DCAF5: variants seen among roughly 807,000 people sequenced by gnomAD.
DCAF5 encodes the protein DDB1- and CUL4-associated factor 5.
Under a neutral mutation model 80.7 loss-of-function variants are expected in DCAF5, and 9 were observed. The observed-to-expected ratio is 0.11, with a 90% CI of 0.07 to 0.19. DCAF5 has a LOEUF of 0.19. DCAF5 is among the 10% of genes least tolerant of loss of function. DCAF5 has a pLI of 1.00. For missense variants in DCAF5, 842 were observed against 1,205.7 expected (o/e 0.70, Z 4.47); for synonymous variants, 433 against 461.9 (o/e 0.94, Z 0.80).
chr14:69,138,348 C>T (rs1217217232), intron 1 of DCAF5, among the ~76,000 whole-genome samples: 2 of 152,124 alleles, frequency 1.3e-5, no homozygotes, highest in South Asian at 2.1e-4. Flanking sequence ...TTCCAAAGTA[C>T]GGAAGTATAG....
intron 7 of DCAF5, among the ~76,000 whole-genome samples, chr14:69,065,237 C>T (rs765848092): frequency 6.6e-6 from 1 of 151,732 alleles, no homozygotes; most frequent in East Asian, 1.9e-4. Flanking sequence ...GCTGGGATTA[C>T]AGGCATCCAC....
At chr14:69,151,058 G>A (rs952621017) in intron 1 of DCAF5, among the ~76,000 whole-genome samples, 4 of 152,118 alleles carry the variant, frequency 2.6e-5, no homozygotes, top group African/African-American at 9.7e-5. Context: ...GTAATACATC[G>A]GGAGTTTTAT....
intron 5 of DCAF5, among the ~76,000 whole-genome samples, chr14:69,109,221 G>A (rs1447521800): frequency 6.6e-6 from 1 of 151,764 alleles, no homozygotes; most frequent in Non-Finnish European, 1.5e-5. Flanking sequence ...GCGGGCGCCT[G>A]TAGTCCCAAC....
chr14:69,105,886 T>C lies in DCAF5; in HGVS notation c.665+10480A>G, dbSNP rs371455777. Among the ~76,000 whole-genome samples, 9 of 125,360 alleles carry C rather than the reference T, an allele frequency of 7.2e-5. No homozygotes were observed. The South Asian group carries it at 2.5e-3, about 35-fold the overall frequency. The allele number at this position is 125,360 out of a possible 152,430, so 82.2% of individuals were successfully genotyped here. On this transcript the variant is annotated intron_variant, in intron 5 of 8. Transcript: ENST00000341516. The stretch of plus-strand genomic sequence containing the variant: ...AGCCTATCATTCACCTTTGTAATGG[T>C]ATGAGCCAATTTTCCCTAATAAACT...
At chr14:69,127,715 G>A (rs2040919799) in intron 1 of DCAF5, among the ~76,000 whole-genome samples, 1 of 152,180 alleles carries the variant, frequency 6.6e-6, no homozygotes, top group Non-Finnish European at 1.5e-5. Flanking sequence ...GGAAGATGTT[G>A]ACAATGAAGG....
At chr14:69,064,634 T>C (rs2038361266) in intron 7 of DCAF5, among the ~76,000 whole-genome samples, 1 of 152,220 alleles carries the variant, frequency 6.6e-6, no homozygotes, top group Admixed American at 6.5e-5. Context: ...AGGCAGTTAT[T>C]AGATAGGTGG....
intron 1 of DCAF5, among the ~76,000 whole-genome samples, chr14:69,151,347 T>C (rs2041697121): frequency 6.6e-6 from 1 of 152,164 alleles, no homozygotes; most frequent in African/African-American, 2.4e-5. Flanking sequence ...TTCTCTTTGC[T>C]ACCCCCAAAT....
At chr14:69,092,617 C>CA (rs1433699390) in intron 5 of DCAF5, among the ~76,000 whole-genome samples, 1 of 152,022 alleles carries the variant, frequency 6.6e-6, no homozygotes, top group Non-Finnish European at 1.5e-5. Context: ...GACTCCATCT[C>CA]AAAAAATTGA....
chr14:69,119,145 T>TA, intron 3 of DCAF5, 49 bp downstream of exon 3: 1 of 1,592,422 alleles, frequency 6.3e-7, no homozygotes, highest in South Asian at 1.1e-5. Context: ...TGCCTCTTCA[T>TA]ATATGAAAAA....
intron 5 of DCAF5, among the ~76,000 whole-genome samples, chr14:69,112,594 T>TACACATAC (rs2040409378): frequency 1.4e-5 from 2 of 145,136 alleles, no homozygotes. Context: ...TATATATGTA[T>TACACATAC]ACACACACAC....
intron 6 of DCAF5, among the ~76,000 whole-genome samples, chr14:69,076,553 T>C (rs890109692): frequency 2.6e-5 from 4 of 152,230 alleles, no homozygotes; most frequent in African/African-American, 9.6e-5. Flanking sequence ...AGATATTGTA[T>C]GACTCCATTT....
intron 5 of DCAF5, among the ~76,000 whole-genome samples, chr14:69,097,274 A>G (rs1023834077): frequency 1.3e-5 from 2 of 152,198 alleles, no homozygotes; most frequent in African/African-American, 4.8e-5. Context: ...GACTGATGAG[A>G]CACGATTACA....
At chr14:69,073,627 G>C (rs960573143) in intron 7 of DCAF5, among the ~76,000 whole-genome samples, 2 of 152,070 alleles carry the variant, frequency 1.3e-5, no homozygotes, top group African/African-American at 4.8e-5. Context: ...ACTCCAGCCT[G>C]GGCAAGAGAG....
Position 69,051,276 on chromosome 14 carries a change from T to C in DCAF5, c.*2581A>G, listed in dbSNP as rs1337252714. ...GTGCCATCTGTCCTGCTATTAAAAA[T>C]ATCTATTATGGAAGAAATTGGGTAT... is the stretch of plus-strand genomic sequence containing the variant. On this transcript the variant is annotated 3_prime_UTR_variant, in exon 9 of 9. Coordinates refer to ENST00000341516, the MANE Select transcript of DCAF5 (RefSeq NM_003861.3). 1 of 152,648 alleles carries C rather than the reference T, an allele frequency of 6.6e-6. No homozygotes were observed. Among genetic ancestry groups the C allele is most frequent in the Admixed American group, 6.5e-5 (1 of 15,280 alleles). The allele number at this position is 152,648 out of a possible 1,614,324, so 9.5% of individuals were successfully genotyped here.
chr14:69,053,933 C>T lies in DCAF5; in HGVS notation c.2753G>A (p.Gly918Asp), dbSNP rs1342755262. 3.1e-6 allele frequency: 5 copies of T among 1,612,396 alleles called. No individual in the cohort carries two copies. The South Asian group carries it at 5.5e-5, about 18-fold the overall frequency. ...CAATTCAATTCGTTGCCTTTTGAGG[C>T]CACTGTGGCCATGAACAGCCCTGCT... is the stretch of plus-strand genomic sequence containing the variant. ...DSSRAVHGHS[G>D]LKRQRIELED... is the part of the protein sequence containing the mutation. Residue 918 changes from glycine to aspartate, a missense_variant, in exon 9 of 9, where the codon GGC (glycine) becomes GAC (aspartate). Coordinates refer to ENST00000341516, the MANE Select transcript of DCAF5 (RefSeq NM_003861.3).
At chr14:69,149,860 T>C (rs967361493) in intron 1 of DCAF5, among the ~76,000 whole-genome samples, 3 of 152,186 alleles carry the variant, frequency 2.0e-5, no homozygotes, top group African/African-American at 4.8e-5. Flanking sequence ...CACTCAGGTG[T>C]TGACTGCTAA....
intron 6 of DCAF5, among the ~76,000 whole-genome samples, chr14:69,079,154 G>T (rs546933992): frequency 1.3e-5 from 2 of 152,160 alleles, no homozygotes; most frequent in South Asian, 4.1e-4. Flanking sequence ...GTCTTATCAG[G>T]GGTTTTACTA....
intron 1 of DCAF5, among the ~76,000 whole-genome samples, chr14:69,126,749 C>A (rs1006567856): frequency 2.0e-5 from 3 of 152,042 alleles, no homozygotes; most frequent in Non-Finnish European, 4.4e-5. Flanking sequence ...CAAAAACAGA[C>A]CCACGTAAGT....
At chr14:69,079,789 TAC>T in intron 6 of DCAF5, among the ~76,000 whole-genome samples, 1 of 152,138 alleles carries the variant, frequency 6.6e-6, no homozygotes, top group Admixed American at 6.5e-5. Flanking sequence ...AGGAAAATAT[TAC>T]AGACATATAT....
Sources: allele counts gnomAD v4.1 joint callset (sites outside exome capture counted in the v4.1 genomes callset), GRCh38; gene constraint gnomAD v4.1.1; transcripts MANE v1.5; gene names NCBI Gene and HGNC (gene_info 2026-07-23, HGNC 2026-07-21).